The following NTSR1 variants were observed in gnomAD, a reference collection of about 807,000 sequenced individuals.
NTSR1 encodes the protein neurotensin receptor 1.
NTSR1 carries 29 observed loss-of-function variants against 31.2 expected under a neutral mutation model. The ratio of observed to expected loss-of-function variants is 0.93; its 90% CI spans 0.69 to 1.27. The LOEUF is 1.27. Among genes scored for constraint, NTSR1 ranks in the 50% most tolerant of loss-of-function variants. NTSR1 has a pLI of 0.00. For synonymous variants in NTSR1, 282 were observed against 269.9 expected (o/e 1.04, Z -0.44); for missense variants, 697 against 595.4 (o/e 1.17, Z -1.78).
At position 62,709,497 on chromosome 20, in the gene NTSR1, T is replaced by C. The variant is rs1988553503; in HGVS notation, c.290T>C (p.Leu97Pro). The change falls in exon 1 of 4, where the codon CTG (leucine) becomes CCG (proline). Residue 97 changes from leucine to proline, a missense_variant. By Grantham distance (98) the Leu-to-Pro change is moderately conservative. Coordinates refer to ENST00000370501, the MANE Select transcript of NTSR1 (RefSeq NM_002531.3). ...GCGCGGAAGAAGTCGCTGCAGAGCC[T>C]GCAGAGCACGGTGCATTACCACCTG... ...TLARKKSLQSLQSTVHYHLGS... is the reference protein window; with the variant it reads ...TLARKKSLQSPQSTVHYHLGS... 1.2e-5 allele frequency: 19 copies of C among 1,612,604 alleles called. No homozygotes were observed. The highest frequency in any genetic ancestry group is 1.5e-5 in the Non-Finnish European group (18 of 1,179,860).
At position 62,709,844 on chromosome 20, in the gene NTSR1, A is replaced by C; in HGVS notation, c.637A>C (p.Ser213Arg). 1 of 1,609,922 alleles carries C rather than the reference A, an allele frequency of 6.2e-7. No homozygotes were observed. Among genetic ancestry groups the C allele is most frequent in the Non-Finnish European group, 8.5e-7 (1 of 1,177,798 alleles). ...GTTCACCATGGGCGAGCAGAACCGC[A>C]GCGCCGACGGCCAGCACGCCGGCGG... ...MLFTMGEQNR[S>R]ADGQHAGGLV... Residue 213 changes from serine (S) to arginine (R), a missense_variant, in exon 1 of 4, where the codon AGC becomes CGC. Physicochemically the swap from Ser to Arg is moderately radical, Grantham distance 110 (BLOSUM62 -1). Coordinates refer to ENST00000370501, the MANE Select transcript of NTSR1 (RefSeq NM_002531.3).
At chr20:62,750,158 C>T (rs1271371486) in intron 1 of NTSR1, among the ~76,000 whole-genome samples, 3 of 152,194 alleles carry the variant, frequency 2.0e-5, no homozygotes, top group Non-Finnish European at 2.9e-5. Context: ...GTAGCCGCAA[C>T]AAACCTGGGG....
chr20:62,743,953 G>A lies in NTSR1; in HGVS notation c.715-10732G>A, dbSNP rs756423545. 3.3e-5 allele frequency among the ~76,000 whole-genome samples: 5 copies of A among 152,130 alleles called. No homozygotes were observed. The highest frequency in any genetic ancestry group is 4.8e-5 in the African/African-American group (2 of 41,408). The stretch of plus-strand genomic sequence containing the variant: ...CTCCCGCTCCCCACCTGGTCTCCAC[G>A]GCCAAGCTCAGACCAACCACCCAGA... On this transcript the variant is annotated intron_variant, in intron 1 of 3. Transcript: ENST00000370501. This position sits in a 1 kb window ranked among gnomAD's most constrained non-coding sequence, Gnocchi z 7.5.
rs1989042219 is a variant in NTSR1, at chr20:62,733,922, T to C, written c.715-20763T>C. On this transcript the variant is annotated intron_variant, in intron 1 of 3. Transcript: ENST00000370501. The surrounding 1 kb of genome is among the most constrained non-coding windows in gnomAD (Gnocchi z 5.2). ...ATGTATGATTGCTACTTTATCTCAA[T>C]AGAGGATTCGAACAGCCCCCAGGCA... is the stretch of plus-strand genomic sequence containing the variant. Among the ~76,000 whole-genome samples the C allele has an allele frequency of 6.6e-6, 1 of 152,122 alleles. No homozygotes were observed. Among genetic ancestry groups the C allele is most frequent in the South Asian group, 2.1e-4 (1 of 4,834 alleles).
At chr20:62,755,704 CT>C (rs1989495607) in intron 2 of NTSR1, among the ~76,000 whole-genome samples, 1 of 1,838 alleles carries the variant, frequency 5.4e-4, no homozygotes, top group Non-Finnish European at 1.1e-3. Flanking sequence ...CATCATCCCT[CT>C]CTCCCTCCAT....
intron 1 of NTSR1, among the ~76,000 whole-genome samples, chr20:62,721,388 G>A (rs1403409319): frequency 1.3e-5 from 2 of 152,072 alleles, no homozygotes; most frequent in Admixed American, 6.5e-5. Flanking sequence ...TTCTTTTTCT[G>A]TTAAGTAATT....
In NTSR1 at chr20:62,741,472, G is replaced by A. The variant is rs952152117; in HGVS notation, c.715-13213G>A. Among the ~76,000 whole-genome samples the A allele has an allele frequency of 6.7e-6, 1 of 149,504 alleles. No individual in the cohort carries two copies. Among genetic ancestry groups the A allele is most frequent in the Middle Eastern group, 3.2e-3 (1 of 316 alleles). The stretch of plus-strand genomic sequence containing the variant: ...GCAGGTGGCCAGAGTTCTCCTGATG[G>A]GGTCCTTGCCCCCAGCTGGCTTGGG... On this transcript the variant is annotated intron_variant, in intron 1 of 3. Transcript: ENST00000370501. This position sits in a 1 kb window ranked among gnomAD's most constrained non-coding sequence, Gnocchi z 4.3.
intron 1 of NTSR1, among the ~76,000 whole-genome samples, chr20:62,716,604 C>T (rs1243557540): frequency 2.6e-5 from 4 of 152,352 alleles, no homozygotes; most frequent in South Asian, 2.1e-4. Flanking sequence ...GTCCTGCCTC[C>T]GTGAGTCTGT....
chr20:62,716,767 G>C (rs566484319), intron 1 of NTSR1, among the ~76,000 whole-genome samples: 1 of 152,168 alleles, frequency 6.6e-6, no homozygotes, highest in Non-Finnish European at 1.5e-5. Context: ...CCCCCATCCC[G>C]GCAGCCCCTC....
At chr20:62,710,722 G>A (rs1359058176) in intron 1 of NTSR1, among the ~76,000 whole-genome samples, 1 of 152,172 alleles carries the variant, frequency 6.6e-6, no homozygotes, top group Admixed American at 6.5e-5. Flanking sequence ...GAGGTTCGTG[G>A]CACGGGGGGT....
intron 1 of NTSR1, among the ~76,000 whole-genome samples, chr20:62,749,899 A>G (rs1411620223): frequency 1.3e-5 from 2 of 152,158 alleles, no homozygotes; most frequent in African/African-American, 4.8e-5. Context: ...GGGCTCCTCA[A>G]AAAAAGTAAA....
At chr20:62,717,404 G>A (rs1600719178) in intron 1 of NTSR1, among the ~76,000 whole-genome samples, 2 of 152,350 alleles carry the variant, frequency 1.3e-5, no homozygotes, top group South Asian at 4.1e-4. Context: ...GTTGTCCCCA[G>A]TGGCTTGGAA....
At position 62,760,392 on chromosome 20, in the gene NTSR1, G is replaced by A; in HGVS notation, c.*125G>A. ...CAGAGGCCAGCCTGCACTGGAGTCTGAGGCCTGGGACCCCCCCCTCCCACC... is the reference window on the plus strand; with the variant it reads ...CAGAGGCCAGCCTGCACTGGAGTCTAAGGCCTGGGACCCCCCCCTCCCACC... On this transcript the variant is annotated 3_prime_UTR_variant, in exon 4 of 4. Transcript: ENST00000370501. The A allele has an allele frequency of 9.2e-7, 1 of 1,082,056 alleles. No homozygotes were observed. The highest frequency in any genetic ancestry group is 1.3e-6 in the Non-Finnish European group (1 of 776,928). The allele number at this position is 1,082,056 out of a possible 1,614,324, so 67.0% of individuals were successfully genotyped here.
rs1400017167 is a variant in NTSR1 at position 62,714,185 on chromosome 20, C to T, written c.714+4264C>T. On this transcript the variant is annotated intron_variant, in intron 1 of 3. Transcript: ENST00000370501. The surrounding 1 kb of genome is among the most constrained non-coding windows in gnomAD (Gnocchi z 4.1). ...CCCGTGAGGACGGGAAGGGGACCCACGCCACGCAGCTGTGGGCAGCTCTGG... is the reference window on the plus strand; with the variant it reads ...CCCGTGAGGACGGGAAGGGGACCCATGCCACGCAGCTGTGGGCAGCTCTGG... 2.0e-5 allele frequency among the ~76,000 whole-genome samples: 3 copies of T among 152,252 alleles called. No individual in the cohort carries two copies. Among genetic ancestry groups the T allele is most frequent in the East Asian group, 1.9e-4 (1 of 5,188 alleles).
chr20:62,754,392 T>C (rs1600735879), intron 1 of NTSR1, among the ~76,000 whole-genome samples: 1 of 152,188 alleles, frequency 6.6e-6, no homozygotes, highest in East Asian at 1.9e-4. Flanking sequence ...GTTGTGTTCC[T>C]TGCTGTGTAC....
At chr20:62,726,259 G>A (rs1039563741) in intron 1 of NTSR1, among the ~76,000 whole-genome samples, 4 of 152,202 alleles carry the variant, frequency 2.6e-5, no homozygotes, top group African/African-American at 9.6e-5. Flanking sequence ...CACAGGACTC[G>A]GAGGAGACAG....
At position 62,744,081 on chromosome 20, in the gene NTSR1, C is replaced by T. The variant is rs1989252308; in HGVS notation, c.715-10604C>T. Among the ~76,000 whole-genome samples the T allele has an allele frequency of 6.6e-6, 1 of 152,212 alleles. No homozygotes were observed. Among genetic ancestry groups the T allele is most frequent in the Non-Finnish European group, 1.5e-5 (1 of 68,016 alleles). ...CATCAAAATTACACATGCGAGGGGG[C>T]AGAGGCCAGGCTGTCCCTCCCATAG... On this transcript the variant is annotated intron_variant, in intron 1 of 3. Coordinates refer to ENST00000370501, the MANE Select transcript of NTSR1 (RefSeq NM_002531.3). This position sits in a 1 kb window ranked among gnomAD's most constrained non-coding sequence, Gnocchi z 4.1.
At chr20:62,727,069 T>C (rs1231041565) in intron 1 of NTSR1, among the ~76,000 whole-genome samples, 1 of 152,176 alleles carries the variant, frequency 6.6e-6, no homozygotes, top group African/African-American at 2.4e-5. Flanking sequence ...CCTGTTTTCA[T>C]TGGTTCCAAG....
chr20:62,760,306 A>G lies in NTSR1; in HGVS notation c.*39A>G, dbSNP rs1342100213. 1.9e-6 allele frequency: 3 copies of G among 1,566,156 alleles called. No homozygotes were observed. Among genetic ancestry groups the G allele is most frequent in the African/African-American group, 1.3e-5 (1 of 74,324 alleles). On this transcript the variant is annotated 3_prime_UTR_variant, in exon 4 of 4. Coordinates refer to ENST00000370501, the MANE Select transcript of NTSR1 (RefSeq NM_002531.3). ...GAACGTGTCCAGGAGGAGCCTGGCC[A>G]TGGGTCCTTGCCCCCGACAGACAGA... is the stretch of plus-strand genomic sequence containing the variant.
Sources: gnomAD v4.1 joint callset for allele counts (sites outside exome capture counted in the v4.1 genomes callset) on GRCh38, gnomAD v4.1.1 for gene constraint, Gnocchi (gnomAD v3.1) non-coding constraint, MANE v1.5 for transcripts, NCBI Gene and HGNC (gene_info 2026-07-23, HGNC 2026-07-21) for gene names.